MRPS28: variants seen among roughly 807,000 people sequenced by gnomAD.
The protein encoded by MRPS28 is small ribosomal subunit protein bS1m.
In MRPS28, 7 loss-of-function variants were observed where a neutral mutation model predicts 10.8. The ratio of observed to expected loss-of-function variants is 0.65; its 90% CI spans 0.37 to 1.22. The LOEUF is 1.22. Ranked by LOEUF, MRPS28 falls within the 50% of genes most tolerant of loss-of-function variation. The probability of loss-of-function intolerance (pLI) is 0.02; values close to 1 mark genes in which losing one functional copy is unlikely to be tolerated. For missense variants in MRPS28, 265 were observed against 232.9 expected (o/e 1.14, Z -0.90); for synonymous variants, 121 against 93.3 (o/e 1.30, Z -1.71).
At chr8:79,969,786 G>A (rs1807584751) in intron 2 of MRPS28, among the ~76,000 whole-genome samples, 1 of 152,066 alleles carries the variant, frequency 6.6e-6, no homozygotes, top group African/African-American at 2.4e-5. Context: ...AAGGTAAGAA[G>A]TAAACAGGAA....
chr8:80,016,361 T>A (rs1809194896), intron 1 of MRPS28, among the ~76,000 whole-genome samples: 1 of 151,128 alleles, frequency 6.6e-6, no homozygotes, highest in Non-Finnish European at 1.5e-5. Flanking sequence ...TCCTCATAAA[T>A]CATGCAATCA....
At chr8:79,968,144 T>C (rs1452550105) in intron 2 of MRPS28, among the ~76,000 whole-genome samples, 2 of 152,144 alleles carry the variant, frequency 1.3e-5, no homozygotes, top group Non-Finnish European at 2.9e-5. Flanking sequence ...TAATTTGTCT[T>C]ATTATATCTC....
At chr8:79,921,294 A>C (rs1157360355) in intron 2 of MRPS28, among the ~76,000 whole-genome samples, 1 of 152,076 alleles carries the variant, frequency 6.6e-6, no homozygotes, top group Non-Finnish European at 1.5e-5. Flanking sequence ...GTTCCATATG[A>C]ACTTTAAAAT....
intron 2 of MRPS28, among the ~76,000 whole-genome samples, chr8:79,989,702 A>C (rs75532551): frequency 0.023 from 3,547 of 152,232 alleles, 150 homozygotes; most frequent in African/African-American, 0.08. Context: ...TGTTGCCTTT[A>C]TATTTTGTTT....
At chr8:79,941,946 T>C (rs1188801838) in intron 2 of MRPS28, among the ~76,000 whole-genome samples, 2 of 152,186 alleles carry the variant, frequency 1.3e-5, no homozygotes, top group Non-Finnish European at 2.9e-5. Flanking sequence ...CCAGTTGCTG[T>C]GAAAGGTAAA....
chr8:79,926,244 A>G (rs1810232360), intron 2 of MRPS28, among the ~76,000 whole-genome samples: 1 of 152,180 alleles, frequency 6.6e-6, no homozygotes. Flanking sequence ...ATGACTTTTA[A>G]GCAAAAAGGG....
rs751818417 is a variant in MRPS28 at position 80,030,196 on chromosome 8, C to T, written c.53G>A (p.Arg18Gln). 2.0e-5 allele frequency: 33 copies of T among 1,614,240 alleles called. No homozygotes were observed. Among genetic ancestry groups the T allele is most frequent in the Non-Finnish European group, 2.7e-5 (32 of 1,180,046 alleles). Reference protein sequence around the residue: ...RAVAAESHFLRVFLFFRPFRG... With the variant: ...RAVAAESHFLQVFLFFRPFRG... ...AAAGGGCCTGAAGAAGAGAAACACT[C>T]GCAGAAAATGGCTCTCGGCAGCCAC... Residue 18 changes from arginine (R) to glutamine (Q), a missense_variant, in exon 1 of 3, where the codon CGA becomes CAA. Coordinates refer to ENST00000276585, the MANE Select transcript of MRPS28 (RefSeq NM_014018.3).
At chr8:80,005,633 A>C (rs1808817360) in intron 1 of MRPS28, among the ~76,000 whole-genome samples, 1 of 152,222 alleles carries the variant, frequency 6.6e-6, no homozygotes, top group Non-Finnish European at 1.5e-5. Flanking sequence ...CACACATAAC[A>C]ATACTAACCT....
At chr8:79,926,492 A>G (rs1389530993) in intron 2 of MRPS28, among the ~76,000 whole-genome samples, 2 of 152,218 alleles carry the variant, frequency 1.3e-5, no homozygotes. Flanking sequence ...AATAAATAGG[A>G]GCTTACATAA....
chr8:79,998,075 A>G (rs1041604624), intron 2 of MRPS28, among the ~76,000 whole-genome samples: 3 of 151,942 alleles, frequency 2.0e-5, no homozygotes, highest in Non-Finnish European at 2.9e-5. Flanking sequence ...AAAAGAAAGA[A>G]AGAAAGAAAG....
At chr8:80,025,952 C>T (rs527715164) in intron 1 of MRPS28, among the ~76,000 whole-genome samples, 38 of 152,234 alleles carry the variant, frequency 2.5e-4, no homozygotes, top group African/African-American at 6.0e-4. Flanking sequence ...CTTATACTTA[C>T]GTGTGTAATA....
At chr8:79,933,378 C>T (rs1162523783) in intron 2 of MRPS28, among the ~76,000 whole-genome samples, 1 of 152,174 alleles carries the variant, frequency 6.6e-6, no homozygotes, top group Non-Finnish European at 1.5e-5. Context: ...TGGATTAGGG[C>T]CTCAACCCTT....
At chr8:79,988,300 T>A (rs1808255252) in intron 2 of MRPS28, among the ~76,000 whole-genome samples, 2 of 148,810 alleles carry the variant, frequency 1.3e-5, no homozygotes, top group Non-Finnish European at 3.0e-5. Context: ...GAGGGATAGC[T>A]TTAGGAGATA....
chr8:79,963,227 T>C (rs1434662837), intron 2 of MRPS28, among the ~76,000 whole-genome samples: 1 of 152,150 alleles, frequency 6.6e-6, no homozygotes, highest in Non-Finnish European at 1.5e-5. Flanking sequence ...GAAAAACATA[T>C]GCAAACATCT....
intron 2 of MRPS28, among the ~76,000 whole-genome samples, chr8:79,960,798 T>C (rs907820559): frequency 1.3e-5 from 2 of 152,142 alleles, no homozygotes; most frequent in Non-Finnish European, 2.9e-5. Flanking sequence ...CAAAACATTA[T>C]AGAGCTTTTG....
intron 2 of MRPS28, among the ~76,000 whole-genome samples, chr8:79,935,404 GT>G (rs1554569386): frequency 6.6e-6 from 1 of 151,750 alleles, no homozygotes; most frequent in Non-Finnish European, 1.5e-5. Context: ...TGATTGCTTG[GT>G]AAGGAAATGG....
At chr8:79,988,813 C>G (rs1808271209) in intron 2 of MRPS28, among the ~76,000 whole-genome samples, 1 of 152,148 alleles carries the variant, frequency 6.6e-6, no homozygotes, top group African/African-American at 2.4e-5. Context: ...CTCTTGCCCT[C>G]CACTCCTATG....
intron 2 of MRPS28, among the ~76,000 whole-genome samples, chr8:79,951,126 A>C (rs1807068309): frequency 6.6e-6 from 1 of 152,138 alleles, no homozygotes; most frequent in Non-Finnish European, 1.5e-5. Flanking sequence ...TGGGTTTATT[A>C]ATCTGTGGTC....
intron 2 of MRPS28, among the ~76,000 whole-genome samples, chr8:79,934,161 G>GAGC (rs1806543271): frequency 6.6e-6 from 1 of 152,160 alleles, no homozygotes; most frequent in South Asian, 2.1e-4. Flanking sequence ...TGAGAATTAG[G>GAGC]AGCAGTGTAA....
Sources: allele counts gnomAD v4.1 joint callset (sites outside exome capture counted in the v4.1 genomes callset), GRCh38; gene constraint gnomAD v4.1.1; transcripts MANE v1.5; gene names NCBI Gene and HGNC (gene_info 2026-07-23, HGNC 2026-07-21).